LHPP: variants seen among roughly 807,000 people sequenced by gnomAD.
LHPP encodes phospholysine phosphohistidine inorganic pyrophosphate phosphatase.
Under a neutral mutation model 30.3 loss-of-function variants are expected in LHPP, and 24 were observed. The ratio of observed to expected loss-of-function variants is 0.79; its 90% CI spans 0.57 to 1.11. The LOEUF (loss-of-function observed/expected upper bound fraction) is 1.11. Among genes scored for constraint, LHPP ranks in the 50% most tolerant of loss-of-function variants. LHPP has a pLI of 0.00. For synonymous variants in LHPP, 150 were observed against 157.1 expected, an observed-to-expected ratio of 0.95 and a Z score of 0.34; for missense variants, 356 against 367.2, an observed-to-expected ratio of 0.97 and a Z score of 0.25.
intron 1 of LHPP, among the ~76,000 whole-genome samples, chr10:124,465,539 C>G (rs1564762356): frequency 6.6e-6 from 1 of 152,304 alleles, no homozygotes; most frequent in East Asian, 1.9e-4. Context: ...GAACAAGCAG[C>G]CCAATAGCAA....
chr10:124,574,817 G>A (rs144410804), intron 6 of LHPP, among the ~76,000 whole-genome samples: 1 of 152,284 alleles, frequency 6.6e-6, no homozygotes, highest in African/African-American at 2.4e-5. Context: ...GTCTTCCTGA[G>A]GCCTCCATCC....
At chr10:124,535,222 T>A (rs750867095) in intron 6 of LHPP, among the ~76,000 whole-genome samples, 1 of 152,178 alleles carries the variant, frequency 6.6e-6, no homozygotes, top group Non-Finnish European at 1.5e-5. Context: ...GACGCCTGTA[T>A]GAGAGAGAAC....
At chr10:124,611,465 C>T (rs932591767) in intron 6 of LHPP, among the ~76,000 whole-genome samples, 2 of 151,892 alleles carry the variant, frequency 1.3e-5, no homozygotes, top group Non-Finnish European at 2.9e-5. Context: ...GGAGGGGAAG[C>T]GGCCGTAGCC....
intron 2 of LHPP, 68 bp from the exon 3 acceptor site, chr10:124,488,354 A>C: frequency 9.9e-6 from 14 of 1,408,396 alleles, no homozygotes; most frequent in African/African-American, 1.4e-5. Context: ...TGTCCCTGGT[A>C]GGAGATGGGG....
chr10:124,609,777 T>A (rs10901787), intron 6 of LHPP, among the ~76,000 whole-genome samples: 35,494 of 152,150 alleles, frequency 0.23, 4,364 homozygotes, highest in East Asian at 0.26. Flanking sequence ...CTGGCCTCAG[T>A]TGCTCTTCAG....
chr10:124,540,952 A>G (rs1291561031), intron 6 of LHPP, among the ~76,000 whole-genome samples: 4 of 152,208 alleles, frequency 2.6e-5, no homozygotes, highest in African/African-American at 9.6e-5. Context: ...TTAGAAGGAA[A>G]ATATCTCTGG....
At chr10:124,519,009 T>A (rs1006582480) in intron 6 of LHPP, among the ~76,000 whole-genome samples, 11 of 152,152 alleles carry the variant, frequency 7.2e-5, no homozygotes, top group African/African-American at 2.4e-4. Context: ...AGAGGTGCGA[T>A]CGATCTCAGC....
intron 6 of LHPP, among the ~76,000 whole-genome samples, chr10:124,602,732 A>G (rs559115809): frequency 6.2e-4 from 95 of 152,112 alleles, no homozygotes; most frequent in Non-Finnish European, 2.9e-4. Context: ...CTGCCCCCCA[A>G]TGGAAGAAAA....
intron 5 of LHPP, among the ~76,000 whole-genome samples, chr10:124,506,232 G>C (rs7476592): frequency 0.093 from 13,907 of 149,698 alleles, 783 homozygotes; most frequent in East Asian, 0.19. Flanking sequence ...CTGGACAAGA[G>C]AGTAAGACCT....
intron 1 of LHPP, among the ~76,000 whole-genome samples, chr10:124,472,035 G>T (rs1392860685): frequency 6.6e-6 from 1 of 152,064 alleles, no homozygotes; most frequent in Non-Finnish European, 1.5e-5. Flanking sequence ...TGTTGGGCTG[G>T]GTGCAGTGGC....
chr10:124,512,242 G>A (rs1310689831), intron 5 of LHPP, among the ~76,000 whole-genome samples: 1 of 152,216 alleles, frequency 6.6e-6, no homozygotes, highest in Non-Finnish European at 1.5e-5. Flanking sequence ...AAGGGTGCCT[G>A]TTGCAGGTCG....
In LHPP at chr10:124,495,084, G is replaced by T. The variant is rs913479246; in HGVS notation, c.468-1877G>T. Among the ~76,000 whole-genome samples, 9 of 152,288 alleles carry T rather than the reference G, an allele frequency of 5.9e-5. No individual in the cohort carries two copies. The South Asian group carries it at 1.0e-3, about 18-fold the overall frequency. ...AAAAGAAAAAGCAGTACTTTTTTAG[G>T]CCATGTAAATGCAAAATATACATTT... On this transcript the variant is annotated intron_variant, in intron 3 of 6. Transcript: ENST00000368842.
intron 6 of LHPP, among the ~76,000 whole-genome samples, chr10:124,570,439 A>G (rs1011574649): frequency 6.6e-6 from 1 of 152,254 alleles, no homozygotes; most frequent in Non-Finnish European, 1.5e-5. Flanking sequence ...GTGTGACCCT[A>G]TGAGCAGCCA....
chr10:124,510,094 A>G lies in LHPP; in HGVS notation c.625-7086A>G, dbSNP rs571541917. On this transcript the variant is annotated intron_variant, in intron 5 of 6. Transcript: ENST00000368842. The surrounding 1 kb of genome is among the most constrained non-coding windows in gnomAD (Gnocchi z 4.0). ...TGGATCCTGGGTTCTGGGGGGTCCGACCTTTCATTTTTTTCTCCGCCTCAC... is the reference window on the plus strand; with the variant it reads ...TGGATCCTGGGTTCTGGGGGGTCCGGCCTTTCATTTTTTTCTCCGCCTCAC... Among the ~76,000 whole-genome samples the G allele has an allele frequency of 2.6e-5, 4 of 151,500 alleles. No individual in the cohort carries two copies. The highest frequency in any genetic ancestry group is 9.7e-5 in the African/African-American group (4 of 41,260).
At position 124,590,470 on chromosome 10, in the gene LHPP, AC is replaced by A. The variant is rs1398417178; in HGVS notation, c.717-22790del. 1.3e-5 allele frequency among the ~76,000 whole-genome samples: 2 copies of A among 151,714 alleles called. No homozygotes were observed. The highest frequency in any genetic ancestry group is 4.8e-5 in the African/African-American group (2 of 41,280). ...GGGCGATGGTGAGCAACTCCAGGCT[AC>A]CCCGAGAAAGCCGCTGTGTGACCCC... On this transcript the variant is annotated intron_variant, in intron 6 of 6. Coordinates refer to ENST00000368842, the MANE Select transcript of LHPP (RefSeq NM_022126.4). This position sits in a 1 kb window ranked among gnomAD's most constrained non-coding sequence, Gnocchi z 4.3.
intron 6 of LHPP, among the ~76,000 whole-genome samples, chr10:124,586,864 C>T (rs1222954229): frequency 6.6e-6 from 1 of 152,056 alleles, no homozygotes; most frequent in African/African-American, 2.4e-5. Context: ...TTGAAAATTG[C>T]CTTGCCATGG....
intron 6 of LHPP, among the ~76,000 whole-genome samples, chr10:124,527,805 C>T (rs573100316): frequency 1.3e-5 from 2 of 151,716 alleles, no homozygotes; most frequent in South Asian, 2.1e-4. Context: ...TTTTGAGATG[C>T]GGTCTTGTTC....
chr10:124,510,792 G>A lies in LHPP; in HGVS notation c.625-6388G>A, dbSNP rs1363882312. Among the ~76,000 whole-genome samples, 1 of 152,252 alleles carries A rather than the reference G, an allele frequency of 6.6e-6. No homozygotes were observed. The highest frequency in any genetic ancestry group is 6.5e-5 in the Admixed American group (1 of 15,286). ...GCAGTGGACATGGTCCTGAATTGGAGTGCTGTGAATGTTCACTGCTGACCT... is the reference window on the plus strand; with the variant it reads ...GCAGTGGACATGGTCCTGAATTGGAATGCTGTGAATGTTCACTGCTGACCT... On this transcript the variant is annotated intron_variant, in intron 5 of 6. Coordinates refer to ENST00000368842, the MANE Select transcript of LHPP (RefSeq NM_022126.4). The surrounding 1 kb of genome is among the most constrained non-coding windows in gnomAD (Gnocchi z 4.0).
intron 1 of LHPP, among the ~76,000 whole-genome samples, chr10:124,469,512 G>A (rs570008034): frequency 9.9e-6 from 1 of 101,038 alleles, no homozygotes. Flanking sequence ...CCCTGAGGTG[G>A]GGGGGGCTTC....
Sources: allele counts gnomAD v4.1 joint callset (sites outside exome capture counted in the v4.1 genomes callset), GRCh38; gene constraint gnomAD v4.1.1; non-coding constraint Gnocchi (gnomAD v3.1); transcripts MANE v1.5; gene names NCBI Gene and HGNC (gene_info 2026-07-23, HGNC 2026-07-21).